POLG: variants seen among roughly 807,000 people sequenced by gnomAD.
The protein encoded by POLG is DNA polymerase subunit gamma-1.
In POLG, 110 loss-of-function variants were observed where a neutral mutation model predicts 155.4. The ratio of observed to expected loss-of-function variants is 0.71; its 90% CI spans 0.61 to 0.83. The LOEUF (loss-of-function observed/expected upper bound fraction) is 0.83. Ranked by LOEUF, POLG falls within the 40% of genes least tolerant of loss-of-function variation. The pLI, the probability that POLG is intolerant of heterozygous loss-of-function variation, is 0.00. For missense variants in POLG, 1,685 were observed against 1,627.5 expected, an observed-to-expected ratio of 1.04 and a Z score of -0.61; for synonymous variants, 701 against 631.5, an observed-to-expected ratio of 1.11 and a Z score of -1.65.
chr15:89,323,677 G>A, intron 12 of POLG, 138 bp downstream of exon 12: 1 of 847,808 alleles, frequency 1.2e-6, no homozygotes, highest in East Asian at 2.5e-5. Flanking sequence ...CAACACGTGT[G>A]GGGCCTCCCA....
In POLG at chr15:89,330,138, C is replaced by T; in HGVS notation, c.798G>A (p.Val266=). The T allele has an allele frequency of 1.2e-6, 2 of 1,614,052 alleles. No homozygotes were observed. Among genetic ancestry groups the T allele is most frequent in the Non-Finnish European group, 1.7e-6 (2 of 1,180,040 alleles). ...GGTCAAAGGAAACATTGTGCCCCAC[C>T]ACTAACTGCTCCTGCCAGTCTCTCT... ...PTQRDWQEQL[V]VGHNVSFDRA... Residue 266 remains valine (V), a synonymous_variant, in exon 3 of 23, where the codon GTG becomes GTA. Transcript: ENST00000268124.
intron 9 of POLG, among the ~76,000 whole-genome samples, 188 bp from the exon 10 acceptor site, chr15:89,325,874 A>G (rs2055510790): frequency 6.6e-6 from 1 of 152,198 alleles, no homozygotes; most frequent in South Asian, 2.1e-4. Context: ...CTCTAGAAGA[A>G]TATTTCAAAA....
rs879181391 is a variant in POLG, at chr15:89,328,774, T to C, written c.1081A>G (p.Arg361Gly). 1 of 1,614,148 alleles carries C rather than the reference T, an allele frequency of 6.2e-7. No homozygotes were observed. ...AAGGGAGGCCCCCCTACATAAAGTCTGTGCACCTCTGCCAGACTGTTGACA... is the reference window on the plus strand; with the variant it reads ...AAGGGAGGCCCCCCTACATAAAGTCCGTGCACCTCTGCCAGACTGTTGACA... ...SSVNSLAEVH[R>G]LYVGGPPLEK... Residue 361 changes from arginine to glycine, a missense_variant, in exon 5 of 23, where the codon AGA (arginine) becomes GGA (glycine). Around this residue, in one of 3 missense-constraint regions of POLG, gnomAD observed 1,210 missense variants for 1,167.1 expected, o/e 1.04. Coordinates refer to ENST00000268124, the MANE Select transcript of POLG (RefSeq NM_002693.3).
Position 89,320,822 on chromosome 15 carries a change from C to G in POLG, c.2925G>C (p.Gln975His). The change falls in exon 18 of 23, where the codon CAG becomes CAC. Residue 975 changes from glutamine (Q) to histidine (H), a missense_variant. Coordinates refer to ENST00000268124, the MANE Select transcript of POLG (RefSeq NM_002693.3). ...GCTGGGCCTTCTCAGCTGCCTCCTG[C>G]TGTGTGAGCCGGTGGTTAAACTGCA... ...LLMQFNHRLT[Q>H]QEAAEKAQQM... 2 of 1,613,952 alleles carry G rather than the reference C, an allele frequency of 1.2e-6. No homozygotes were observed. The highest frequency in any genetic ancestry group is 1.1e-5 in the South Asian group (1 of 91,072).
rs2055474873 is a variant in POLG, at chr15:89,325,133, AGTGAGTGAGAGAGTGAGTGAGT to A, written c.1949+295_1949+316del. 2.7e-5 allele frequency among the ~76,000 whole-genome samples: 2 copies of A among 73,766 alleles called. 1 individual carries two copies. The highest frequency in any genetic ancestry group is 1.1e-4 in the African/African-American group (2 of 17,734). 48.4% of individuals were successfully genotyped at this position (73,766 alleles called of 152,430 possible). On this transcript the variant is annotated intron_variant, in intron 10 of 22. Transcript: ENST00000268124. Reference sequence around the variant, plus strand: ...GAGAGAGTGAGTGAGTGAGTGAGAGAGTGAGTGAGAGAGTGAGTGAGTGAGTGAGTGAGTGAGAGAGTGAGAG... The same window carrying A: ...GAGAGAGTGAGTGAGTGAGTGAGAGAGAGTGAGTGAGTGAGAGAGTGAGAG...
chr15:89,321,748 G>C lies in POLG; in HGVS notation c.2586C>G (p.Ala862=). 1 of 1,612,716 alleles carries C rather than the reference G, an allele frequency of 6.2e-7. No individual in the cohort carries two copies. The highest frequency in any genetic ancestry group is 1.3e-5 in the African/African-American group (1 of 75,006). Reference sequence around the variant, plus strand: ...AGAGGTCACATACCCGGGCATTGCTGGCGGTGAGCCATGTGGGCTCCACAG... The same window carrying C: ...AGAGGTCACATACCCGGGCATTGCTCGCGGTGAGCCATGTGGGCTCCACAG... ...RRAVEPTWLT[A]SNARPDRVGS... Residue 862 remains alanine, a synonymous_variant, in exon 16 of 23, where the codon GCC becomes GCG. Transcript: ENST00000268124.
In POLG at chr15:89,326,777, G is replaced by C. The variant is rs56317445; in HGVS notation, c.1586-39C>G. 1.1e-5 allele frequency: 18 copies of C among 1,613,816 alleles called. No individual in the cohort carries two copies. In the East Asian group the frequency reaches 1.3e-4, roughly 12 times the overall value. ...GGAAGACAATCAGGAGCAGGAGAAG[G>C]AACTCTCAATAAGATCTGCTCCCAC... On this transcript the variant is annotated intron_variant, in intron 8 of 22. Transcript: ENST00000268124.
At chr15:89,319,943 C>T (rs1233689465) in intron 18 of POLG, among the ~76,000 whole-genome samples, 3 of 152,150 alleles carry the variant, frequency 2.0e-5, no homozygotes, top group South Asian at 2.1e-4. Flanking sequence ...ACCACCTGCA[C>T]CCACAGTCCA....
intron 16 of POLG, 130 bp downstream of exon 16, chr15:89,321,606 A>G (rs1357088120): frequency 2.6e-5 from 21 of 803,752 alleles, no homozygotes; most frequent in Non-Finnish European, 4.2e-5. Context: ...AGATTTGACT[A>G]GAGTCCTGCC....
chr15:89,328,953 C>T lies in POLG; in HGVS notation c.1013G>A (p.Arg338Lys). ...GCAGTGTGCTCTCACCGCTGGGCCT[C>T]TTCTGGCTTTCCTCTGGGACTTCTG... is the stretch of plus-strand genomic sequence containing the variant. ...QGQKSQRKAR[R>K]GPAISSWDWL... is the part of the protein sequence containing the mutation. Residue 338 changes from arginine to lysine, a missense_variant, in exon 4 of 23, where the codon AGA becomes AAA. Around this residue, in one of 3 missense-constraint regions of POLG, gnomAD observed 1,210 missense variants for 1,167.1 expected, o/e 1.04. Transcript: ENST00000268124. 1 of 1,614,114 alleles carries T rather than the reference C, an allele frequency of 6.2e-7. No individual in the cohort carries two copies. Among genetic ancestry groups the T allele is most frequent in the Middle Eastern group, 1.7e-4 (1 of 5,994 alleles).
At position 89,330,103 on chromosome 15, in the gene POLG, A is replaced by T; in HGVS notation, c.833T>A (p.Ile278Asn). The T allele has an allele frequency of 6.2e-7, 1 of 1,614,116 alleles. No homozygotes were observed. The highest frequency in any genetic ancestry group is 8.5e-7 in the Non-Finnish European group (1 of 1,180,018). ...GHNVSFDRAHIREQYLIQGSR... is the reference protein window; with the variant it reads ...GHNVSFDRAHNREQYLIQGSR... The stretch of plus-strand genomic sequence containing the variant: ...TACCTGGATCAGGTACTGCTCCCTG[A>T]TATGAGCTCGGTCAAAGGAAACATT... The change falls in exon 3 of 23, where the codon ATC (isoleucine) becomes AAC (asparagine). Residue 278 changes from isoleucine to asparagine, a missense_variant. Ile to Asn is a moderately radical substitution (Grantham distance 149). This residue lies in a region of POLG where 1,210 missense variants were observed against 1,167.1 expected (regional missense o/e 1.04). Coordinates refer to ENST00000268124, the MANE Select transcript of POLG (RefSeq NM_002693.3).
chr15:89,325,299 G>GGGTGTGTGT (rs140688938), intron 10 of POLG, 151 bp downstream of exon 10: 120,488 of 485,860 alleles, frequency 0.25, 7,948 homozygotes, highest in Non-Finnish European at 0.26. Context: ...AGAGAGAGAG[G>GGGTGTGTGT]GTGTGTGTGT....
At position 89,333,244 on chromosome 15, in the gene POLG, A is replaced by G; in HGVS notation, c.511T>C (p.Trp171Arg). Residue 171 changes from tryptophan to arginine, a missense_variant, in exon 2 of 23, where the codon TGG (tryptophan) becomes CGG (arginine). Trp to Arg is a moderately radical substitution (Grantham distance 101). Around this residue, in one of 3 missense-constraint regions of POLG, gnomAD observed 1,210 missense variants for 1,167.1 expected, o/e 1.04. Coordinates refer to ENST00000268124, the MANE Select transcript of POLG (RefSeq NM_002693.3). ...CCGTACCGGGTCCAGCCCTCCGCCC[A>G]GGCCCAAGCCGGGGGCTTCGGGGGC... The part of the protein sequence containing the change: ...QLPPKPPAWA[W>R]AEGWTRYGPE... 6.3e-7 allele frequency: 1 copy of G among 1,576,986 alleles called. No individual in the cohort carries two copies. The highest frequency in any genetic ancestry group is 2.3e-5 in the East Asian group (1 of 43,348).
At chr15:89,319,396 G>A (rs111365529) in intron 18 of POLG, 46 bp from the exon 19 acceptor site, 1 of 1,609,878 alleles carries the variant, frequency 6.2e-7, no homozygotes, top group South Asian at 1.1e-5. Context: ...TGCTTCCTGT[G>A]CCACGCTAGT....
intron 6 of POLG, among the ~76,000 whole-genome samples, chr15:89,328,100 AAT>A (rs2055546951): frequency 6.6e-6 from 1 of 151,960 alleles, no homozygotes; most frequent in Non-Finnish European, 1.5e-5. Context: ...CTTTGGTACA[AAT>A]ATACCTGAAT....
chr15:89,325,165 A>T (rs2055480580), intron 10 of POLG, among the ~76,000 whole-genome samples: 1 of 90,340 alleles, frequency 1.1e-5, no homozygotes, highest in Non-Finnish European at 2.3e-5. Context: ...TGAGTGAGTG[A>T]GTGAGAGAGT....
At chr15:89,323,045 G>GCGCA in intron 13 of POLG, 143 bp from the exon 14 acceptor site, 1 of 679,324 alleles carries the variant, frequency 1.5e-6, no homozygotes, top group East Asian at 2.6e-5. Flanking sequence ...TCACGCACGC[G>GCGCA]CGCACGCGCG....
Position 89,330,292 on chromosome 15 carries a change from G to A in POLG, c.660-16C>T, listed in dbSNP as rs926259589. On this transcript the variant is annotated splice_polypyrimidine_tract_variant and intron_variant, in intron 2 of 22. Transcript: ENST00000268124. ...CCAGGAATACCTGAGGGAGGTGAGA[G>A]GCAGGCAGGTTCACCATGGAGACAT... 5 of 1,601,438 alleles carry A rather than the reference G, an allele frequency of 3.1e-6. No homozygotes were observed. Among genetic ancestry groups the A allele is most frequent in the Non-Finnish European group, 4.3e-6 (5 of 1,175,216 alleles).
rs2055390649 is a variant in POLG at position 89,321,192 on chromosome 15, A to G, written c.2667T>C (p.Ala889=). The change falls in exon 17 of 23, where the codon GCT becomes GCC. Residue 889 remains alanine (A), a synonymous_variant. Coordinates refer to ENST00000268124, the MANE Select transcript of POLG (RefSeq NM_002693.3). ...QAPPGYTLVG[A]DVDSQELWIA... ...TCCACAGCTCTTGGGAGTCCACATCAGCACCCACAAGGGTGTAGCCAGGTG... is the reference window on the plus strand; with the variant it reads ...TCCACAGCTCTTGGGAGTCCACATCGGCACCCACAAGGGTGTAGCCAGGTG... 4 of 1,614,232 alleles carry G rather than the reference A, an allele frequency of 2.5e-6. No individual in the cohort carries two copies. The highest frequency in any genetic ancestry group is 3.4e-6 in the Non-Finnish European group (4 of 1,180,026).
Sources: gnomAD v4.1 joint callset for allele counts (sites outside exome capture counted in the v4.1 genomes callset) on GRCh38, gnomAD v4.1.1 for gene constraint, gnomAD v4.1.1 regional missense constraint, MANE v1.5 for transcripts, NCBI Gene and HGNC (gene_info 2026-07-23, HGNC 2026-07-21) for gene names.